Variants in DRC5 observed in about 807,000 individuals in gnomAD.
The protein encoded by DRC5 is T-complex-associated testis-expressed protein 1.
At chr6:44,282,577 G>T in the DRC5 span, 1 of 1,558,110 alleles carries the variant, frequency 6.4e-7, no homozygotes, top group Non-Finnish European at 8.7e-7. Flanking sequence ...CAGGCAGAGG[G>T]TCTACAGCAA....
chr6:44,280,274 G>A, the DRC5 span: 82 of 1,614,126 alleles, frequency 5.1e-5, no homozygotes, highest in East Asian at 8.7e-4. Flanking sequence ...CTCGGTTTGC[G>A]TAGAGGGCCT....
chr6:44,291,325 A>C, the DRC5 span, among the ~76,000 whole-genome samples: 2 of 152,242 alleles, frequency 1.3e-5, no homozygotes, highest in African/African-American at 4.8e-5. Flanking sequence ...GACACACAAG[A>C]TTCTTCTAAG....
the DRC5 span, among the ~76,000 whole-genome samples, chr6:44,281,389 T>C: frequency 1.3e-5 from 2 of 152,182 alleles, no homozygotes; most frequent in Non-Finnish European, 2.9e-5. Flanking sequence ...TCATGTAAAT[T>C]GCATTTTTTT....
At chr6:44,286,429 A>G in the DRC5 span, 1 of 1,614,104 alleles carries the variant, frequency 6.2e-7, no homozygotes, top group South Asian at 1.1e-5. Flanking sequence ...AGTAGTTCTC[A>G]CTGTCTATCA....
At chr6:44,280,147 A>G in the DRC5 span, 16 of 1,582,322 alleles carry the variant, frequency 1.0e-5, no homozygotes, top group Non-Finnish European at 1.2e-5. Flanking sequence ...GAAATGAGGG[A>G]TGGGGCTGGG....
the DRC5 span, among the ~76,000 whole-genome samples, chr6:44,289,539 G>A: frequency 6.6e-6 from 1 of 152,032 alleles, no homozygotes; most frequent in African/African-American, 2.4e-5. Flanking sequence ...AAAGGAGAGG[G>A]GAACAAGACC....
At chr6:44,284,253 C>T in the DRC5 span, among the ~76,000 whole-genome samples, 1 of 152,090 alleles carries the variant, frequency 6.6e-6, no homozygotes, top group Non-Finnish European at 1.5e-5. Context: ...TATTCCACCC[C>T]GTTGCTCACT....
the DRC5 span, among the ~76,000 whole-genome samples, chr6:44,293,999 T>TGA: frequency 6.6e-6 from 1 of 152,124 alleles, no homozygotes; most frequent in Non-Finnish European, 1.5e-5. Context: ...TTTTTTTTTT[T>TGA]GAGACAGAGT....
chr6:44,286,566 C>G, the DRC5 span: 1 of 1,572,494 alleles, frequency 6.4e-7, no homozygotes, highest in Non-Finnish European at 8.6e-7. Context: ...CAGGGGGTCA[C>G]AGTGTTGGGG....
the DRC5 span, chr6:44,280,537 G>A: frequency 4.7e-6 from 3 of 632,332 alleles, no homozygotes; most frequent in Admixed American, 9.2e-5. Flanking sequence ...GACATATTCT[G>A]TTCTTTTCCA....
the DRC5 span, among the ~76,000 whole-genome samples, chr6:44,285,754 T>C: frequency 3.9e-5 from 6 of 152,198 alleles, no homozygotes; most frequent in African/African-American, 1.4e-4. Context: ...GTTTGTTCAA[T>C]GAAACCAACT....
chr6:44,286,597 C>T, the DRC5 span: 1 of 1,441,960 alleles, frequency 6.9e-7, no homozygotes, highest in Non-Finnish European at 9.4e-7. Flanking sequence ...CATGATGCCT[C>T]AGGCTGGGCC....
the DRC5 span, chr6:44,286,400 T>C: frequency 1.9e-6 from 3 of 1,614,188 alleles, no homozygotes; most frequent in Non-Finnish European, 2.5e-6. Context: ...GGGCCAGCGA[T>C]GCATGCAGCA....
At chr6:44,296,613 TC>T in the DRC5 span, among the ~76,000 whole-genome samples, 1 of 152,220 alleles carries the variant, frequency 6.6e-6, no homozygotes, top group Non-Finnish European at 1.5e-5. Flanking sequence ...ACAGTTCTGG[TC>T]CTCAACTGTC....
At chr6:44,282,277 C>A in the DRC5 span, 5 of 1,614,232 alleles carry the variant, frequency 3.1e-6, no homozygotes, top group Non-Finnish European at 4.2e-6. Flanking sequence ...TGGCCACCCT[C>A]ATCCTCGATG....
At chr6:44,287,210 A>ATCC in the DRC5 span, 2 of 985,284 alleles carry the variant, frequency 2.0e-6, no homozygotes, top group South Asian at 9.4e-5. Context: ...AGACTCCATC[A>ATCC]GAGTAGAGGG....
At chr6:44,283,486 C>T in the DRC5 span, among the ~76,000 whole-genome samples, 1 of 152,172 alleles carries the variant, frequency 6.6e-6, no homozygotes, top group Non-Finnish European at 1.5e-5. Flanking sequence ...TGGCTTGTCC[C>T]ACTCCTCTCT....
the DRC5 span, chr6:44,282,465 A>G: frequency 6.2e-7 from 1 of 1,612,860 alleles, no homozygotes; most frequent in Non-Finnish European, 8.5e-7. Flanking sequence ...GTTTTGTGAC[A>G]AGTCCAGCTC....
the DRC5 span, among the ~76,000 whole-genome samples, chr6:44,282,834 G>A: frequency 4.9e-5 from 6 of 122,054 alleles, no homozygotes; most frequent in East Asian, 4.7e-4. Flanking sequence ...ACGGAGTCTC[G>A]CTCTGTCACC....
Sources: gnomAD v4.1 joint callset for allele counts (sites outside exome capture counted in the v4.1 genomes callset) on GRCh38, gnomAD v4.1.1 for gene constraint, MANE v1.5 for transcripts, NCBI Gene and HGNC (gene_info 2026-07-23, HGNC 2026-07-21) for gene names.